Variants in DDA1 observed in about 807,000 individuals in gnomAD.
The protein encoded by DDA1 is DET1- and DDB1-associated protein 1.
In DDA1, 3 loss-of-function variants were observed where a neutral mutation model predicts 18.6. That is an observed-to-expected ratio of 0.16 (90% CI 0.07 to 0.42). DDA1 has a LOEUF of 0.42. DDA1 is among the 10% of genes least tolerant of loss of function. The pLI is 0.99. For missense variants in DDA1, 105 were observed against 138.2 expected (o/e 0.76, Z 1.20); for synonymous variants, 52 against 54.0 (o/e 0.96, Z 0.17).
In DDA1 at chr19:17,309,616, C is replaced by A; in HGVS notation, c.-39C>A. The stretch of plus-strand genomic sequence containing the variant: ...GCGGCTCTGGTGGCGGCGGTGGAGG[C>A]TGAGGCGGCGGCCGAGGCGGCGACG... On this transcript the variant is annotated 5_prime_UTR_variant, in exon 1 of 5. In the 5' UTR this introduces an upstream ATG that the reference lacks. Coordinates refer to ENST00000359866, the MANE Select transcript of DDA1 (RefSeq NM_024050.6). 6.2e-7 allele frequency: 1 copy of A among 1,609,568 alleles called. No homozygotes were observed. The highest frequency in any genetic ancestry group is 8.5e-7 in the Non-Finnish European group (1 of 1,176,958).
chr19:17,316,149 G>A (rs1017694814), intron 4 of DDA1, among the ~76,000 whole-genome samples, 154 bp downstream of exon 4: 20 of 152,178 alleles, frequency 1.3e-4, no homozygotes, highest in African/African-American at 3.4e-4. Context: ...AGGGAAGAGC[G>A]TTCCAGTGGA....
At position 17,314,462 on chromosome 19, in the gene DDA1, CG is replaced by C. The variant is rs1394510946; in HGVS notation, c.136+75del. ...GGTTTGGTGACTGCAGCGTGGCACGCGGAGGTTATCTTCAACCCCGGCCCAG... is the reference window on the plus strand; with the variant it reads ...GGTTTGGTGACTGCAGCGTGGCACGCGAGGTTATCTTCAACCCCGGCCCAG... On this transcript the variant is annotated intron_variant, in intron 3 of 4. Coordinates refer to ENST00000359866, the MANE Select transcript of DDA1 (RefSeq NM_024050.6). The surrounding 1 kb of genome is among the most constrained non-coding windows in gnomAD (Gnocchi z 4.6). 7 of 1,590,104 alleles carry C rather than the reference CG, an allele frequency of 4.4e-6. No individual in the cohort carries two copies. The Admixed American group carries it at 8.4e-5, about 19-fold the overall frequency.
At chr19:17,318,693 T>C (rs1266094533) in intron 4 of DDA1, among the ~76,000 whole-genome samples, 17 of 147,694 alleles carry the variant, frequency 1.2e-4, no homozygotes, top group African/African-American at 4.3e-4. Flanking sequence ...AGACGGAGTC[T>C]CTCTGTTGCC....
rs2074201153 is a variant in DDA1, at chr19:17,315,213, A to ACACACACACG, written c.137-721_137-720insCACACACACG. 6.2e-5 allele frequency among the ~76,000 whole-genome samples: 2 copies of ACACACACACG among 32,298 alleles called. 1 individual carries two copies. The highest frequency in any genetic ancestry group is 1.6e-4 in the Non-Finnish European group (2 of 12,346). 21.2% of individuals were successfully genotyped at this position (32,298 alleles called of 152,430 possible). A position where few individuals can be genotyped will look rare whatever the true frequency, so the allele number is the denominator to read the frequency against. ...CACACACGTGTATACACACGTGTAT[A>ACACACACACG]TACACACACGTGTATACACACACAC... is the stretch of plus-strand genomic sequence containing the variant. On this transcript the variant is annotated intron_variant, in intron 3 of 4. Coordinates refer to ENST00000359866, the MANE Select transcript of DDA1 (RefSeq NM_024050.6).
chr19:17,317,073 A>G (rs1422340422), intron 4 of DDA1, among the ~76,000 whole-genome samples: 4 of 151,440 alleles, frequency 2.6e-5, no homozygotes, highest in African/African-American at 9.7e-5. Flanking sequence ...AATAATACAA[A>G]AATTAGCTGG....
At position 17,315,186 on chromosome 19, in the gene DDA1, T is replaced by TAC. The variant is rs200541678; in HGVS notation, c.137-741_137-740dup. 1.4e-3 allele frequency among the ~76,000 whole-genome samples: 38 copies of TAC among 27,430 alleles called. 8 individuals are homozygous for TAC. Among genetic ancestry groups the TAC allele is most frequent in the East Asian group, 3.3e-3 (11 of 3,294 alleles). 18.0% of individuals were successfully genotyped at this position (27,430 alleles called of 152,430 possible). On this transcript the variant is annotated intron_variant, in intron 3 of 4. Transcript: ENST00000359866. ...ACACGTGTATATACACACACGTGTATACACACACGTGTATACACACGTGTA... is the reference window on the plus strand; with the variant it reads ...ACACGTGTATATACACACACGTGTATACACACACACGTGTATACACACGTGTA...
rs1273030049 is a variant in DDA1, at chr19:17,322,288, C to T, written c.*2632C>T. 1 of 153,202 alleles carries T rather than the reference C, an allele frequency of 6.5e-6. No homozygotes were observed. The highest frequency in any genetic ancestry group is 2.4e-5 in the African/African-American group (1 of 41,464). The allele number at this position is 153,202 out of a possible 1,614,324, so 9.5% of individuals were successfully genotyped here. ...CCTCCCTGTGGCCTCCCCCTAGAACCCCTGGGTCTGTCGGGACATGCCCCA... is the reference window on the plus strand; with the variant it reads ...CCTCCCTGTGGCCTCCCCCTAGAACTCCTGGGTCTGTCGGGACATGCCCCA... On this transcript the variant is annotated 3_prime_UTR_variant, in exon 5 of 5. Transcript: ENST00000359866.
In DDA1 at chr19:17,320,635, C is replaced by CTTA. The variant is rs1568355647; in HGVS notation, c.*979_*980insTTA. Reference sequence around the variant, plus strand: ...AGAGATGGCCGGCCTCATCCGGGGGCCTGGGGTCTCTGGCCTCTGCTGCTC... The same window carrying CTTA: ...AGAGATGGCCGGCCTCATCCGGGGGCTTACTGGGGTCTCTGGCCTCTGCTGCTC... On this transcript the variant is annotated 3_prime_UTR_variant, in exon 5 of 5. Coordinates refer to ENST00000359866, the MANE Select transcript of DDA1 (RefSeq NM_024050.6). 6.6e-6 allele frequency: 1 copy of CTTA among 152,580 alleles called. No homozygotes were observed. Among genetic ancestry groups the CTTA allele is most frequent in the Non-Finnish European group, 1.5e-5 (1 of 68,310 alleles). 9.5% of individuals were successfully genotyped at this position (152,580 alleles called of 1,614,324 possible). A position where few individuals can be genotyped will look rare whatever the true frequency, so the allele number is the denominator to read the frequency against.
chr19:17,316,832 A>T (rs2074215691), intron 4 of DDA1, among the ~76,000 whole-genome samples: 1 of 149,530 alleles, frequency 6.7e-6, no homozygotes, highest in Non-Finnish European at 1.5e-5. Flanking sequence ...GAGCCTAGAT[A>T]GGGCCACTGC....
Position 17,319,660 on chromosome 19 carries a change from T to A in DDA1, c.*4T>A, listed in dbSNP as rs747477450. 2.4e-5 allele frequency: 38 copies of A among 1,560,018 alleles called. 1 individual carries two copies. The highest frequency in any genetic ancestry group is 3.0e-5 in the Non-Finnish European group (34 of 1,151,814). On this transcript the variant is annotated 3_prime_UTR_variant, in exon 5 of 5. Coordinates refer to ENST00000359866, the MANE Select transcript of DDA1 (RefSeq NM_024050.6). ...AGACATGCACGAGGACACTTAAGAC[T>A]CTCAACTCCACAGGCGCCTCCTGCC...
intron 4 of DDA1, among the ~76,000 whole-genome samples, chr19:17,316,655 A>C (rs1445130042): frequency 6.6e-6 from 1 of 151,782 alleles, no homozygotes; most frequent in Non-Finnish European, 1.5e-5. Context: ...TGGGCAGATC[A>C]TGAGGTCAGG....
chr19:17,317,978 C>A (rs1165754939), intron 4 of DDA1, among the ~76,000 whole-genome samples: 1 of 148,596 alleles, frequency 6.7e-6, no homozygotes, highest in Non-Finnish European at 1.5e-5. Flanking sequence ...TTTTCATTTT[C>A]TTTTGCCCTG....
chr19:17,315,411 T>TATATATATACACACTATATATATACATAC (rs2074207207), intron 3 of DDA1, among the ~76,000 whole-genome samples: 1 of 71,866 alleles, frequency 1.4e-5, no homozygotes, highest in African/African-American at 6.9e-5. Flanking sequence ...TATACATACG[T>TATATATATACACACTATATATATACATAC]GTGTGTGTGT....
chr19:17,315,286 CT>C (rs760932620), intron 3 of DDA1, among the ~76,000 whole-genome samples: 999 of 29,100 alleles, frequency 0.034, 250 homozygotes, highest in Non-Finnish European at 0.053. Context: ...TATACACACA[CT>C]ATATATATAC....
At chr19:17,312,707 C>T (rs1393910285) in intron 1 of DDA1, among the ~76,000 whole-genome samples, 1 of 152,206 alleles carries the variant, frequency 6.6e-6, no homozygotes, top group East Asian at 1.9e-4. Flanking sequence ...CTTTGCCCCA[C>T]ACCATCTCAA....
Position 17,315,313 on chromosome 19 carries a change from T to C in DDA1, c.137-621T>C, listed in dbSNP as rs55709425. Among the ~76,000 whole-genome samples, 181 of 33,176 alleles carry C rather than the reference T, an allele frequency of 5.5e-3. 59 individuals are homozygous for C. The highest frequency in any genetic ancestry group is 8.1e-3 in the Non-Finnish European group (128 of 15,736). 21.8% of individuals were successfully genotyped at this position (33,176 alleles called of 152,430 possible). ...ATATATATACACACGTGTATATATA[T>C]ACACGCTATATATATACACACGTAT... is the stretch of plus-strand genomic sequence containing the variant. On this transcript the variant is annotated intron_variant, in intron 3 of 4. Coordinates refer to ENST00000359866, the MANE Select transcript of DDA1 (RefSeq NM_024050.6).
rs1304290495 is a variant in DDA1 at position 17,309,578 on chromosome 19, G to A, written c.-77G>A. 2.0e-6 allele frequency: 3 copies of A among 1,470,696 alleles called. No homozygotes were observed. The highest frequency in any genetic ancestry group is 1.4e-5 in the African/African-American group (1 of 72,178). 91.1% of individuals were successfully genotyped at this position (1,470,696 alleles called of 1,614,324 possible). A position where few individuals can be genotyped will look rare whatever the true frequency, so the allele number is the denominator to read the frequency against. On this transcript the variant is annotated 5_prime_UTR_variant, in exon 1 of 5. Coordinates refer to ENST00000359866, the MANE Select transcript of DDA1 (RefSeq NM_024050.6). ...CCGTGGCTGGAAGTTACTGTGAGGCGGCGGCTAAGAAGGCGGCTCTGGTGG... is the reference window on the plus strand; with the variant it reads ...CCGTGGCTGGAAGTTACTGTGAGGCAGCGGCTAAGAAGGCGGCTCTGGTGG...
intron 3 of DDA1, 110 bp from the exon 4 acceptor site, chr19:17,315,824 T>A (rs2074210307): frequency 2.0e-6 from 2 of 998,262 alleles, no homozygotes; most frequent in Non-Finnish European, 3.2e-6. Flanking sequence ...TGGAGATCTC[T>A]GGAGTTGGGG....
intron 4 of DDA1, among the ~76,000 whole-genome samples, chr19:17,316,441 G>A (rs191075085): frequency 1.3e-5 from 2 of 151,880 alleles, no homozygotes; most frequent in South Asian, 2.1e-4. Flanking sequence ...TTAGCTGGGC[G>A]TGGTGGCACG....
Sources: gnomAD v4.1 joint callset for allele counts (sites outside exome capture counted in the v4.1 genomes callset) on GRCh38, gnomAD v4.1.1 for gene constraint, Gnocchi (gnomAD v3.1) non-coding constraint, MANE v1.5 for transcripts, NCBI Gene and HGNC (gene_info 2026-07-23, HGNC 2026-07-21) for gene names.